CHODL: variants seen among roughly 807,000 people sequenced by gnomAD.
The protein encoded by CHODL is chondrolectin, also known as transmembrane protein MT75.
A neutral mutation model predicts 34.5 loss-of-function variants in CHODL; 29 were observed. The observed-to-expected ratio is 0.84, with a 90% confidence interval of 0.63 to 1.15. CHODL has a LOEUF of 1.15. Among genes scored for constraint, CHODL ranks in the 50% most tolerant of loss-of-function variants. The probability of loss-of-function intolerance (pLI) is 0.00; values close to 1 mark genes in which losing one functional copy is unlikely to be tolerated. For missense variants in CHODL, 332 were observed against 332.5 expected (o/e 1.00, Z 0.01); for synonymous variants, 125 against 116.1 (o/e 1.08, Z -0.49).
intron 1 of CHODL, among the ~76,000 whole-genome samples, chr21:17,926,483 G>T (rs1459621208): frequency 6.6e-6 from 1 of 151,316 alleles, no homozygotes; most frequent in Non-Finnish European, 1.5e-5. Context: ...TTAACTCACA[G>T]TTCCTCATTG....
intron 1 of CHODL, among the ~76,000 whole-genome samples, chr21:17,966,994 T>C (rs197525): frequency 0.62 from 94,102 of 151,320 alleles, 30,114 homozygotes; most frequent in East Asian, 0.79. Context: ...AAGTGATTCT[T>C]CTGCCTCAGC....
intron 2 of CHODL, among the ~76,000 whole-genome samples, chr21:18,031,272 T>C (rs2064245028): frequency 6.6e-6 from 1 of 152,116 alleles, no homozygotes. Flanking sequence ...CATAAGTCTT[T>C]AACCTGTGGG....
chr21:18,253,006 A>G lies in CHODL; in HGVS notation c.80-3503A>G, dbSNP rs76561005. Among the ~76,000 whole-genome samples, 617 of 152,126 alleles carry G rather than the reference A, an allele frequency of 4.1e-3. 4 individuals are homozygous for G. The highest frequency in any genetic ancestry group is 6.3e-3 in the Non-Finnish European group (429 of 67,986). On this transcript the variant is annotated intron_variant, in intron 1 of 5. Transcript: ENST00000299295. ...TATTTTAAATATAATCTCTCTCCCT[A>G]GGTTTTTTTCTTTCATTATTATTAT...
At chr21:18,220,958 A>G (rs192910136) in intron 2 of CHODL, among the ~76,000 whole-genome samples, 14 of 152,230 alleles carry the variant, frequency 9.2e-5, no homozygotes, top group East Asian at 7.7e-4. Context: ...TGAAGTTTTC[A>G]GCCATTATTT....
intron 1 of CHODL, among the ~76,000 whole-genome samples, chr21:17,978,587 G>A (rs531885077): frequency 8.2e-4 from 125 of 151,802 alleles, no homozygotes; most frequent in Non-Finnish European, 1.5e-3. Context: ...GCGTGGTGGC[G>A]GGTGCCTGTA....
chr21:18,232,946 T>TATATAC (rs1412800612), intron 2 of CHODL, among the ~76,000 whole-genome samples: 3 of 131,410 alleles, frequency 2.3e-5, no homozygotes, highest in Admixed American at 7.7e-5. Context: ...TGTTATGATA[T>TATATAC]ATATATATAT....
At chr21:18,265,312 TA>T (rs2074445229) in intron 5 of CHODL, among the ~76,000 whole-genome samples, 2 of 143,738 alleles carry the variant, frequency 1.4e-5, no homozygotes, top group Middle Eastern at 7.4e-3. Flanking sequence ...CACACACACA[TA>T]TATATATATG....
At chr21:18,056,101 G>A (rs1422563813) in intron 2 of CHODL, among the ~76,000 whole-genome samples, 1 of 151,926 alleles carries the variant, frequency 6.6e-6, no homozygotes, top group Non-Finnish European at 1.5e-5. Flanking sequence ...GGATTCATGG[G>A]AAGTAAAATA....
chr21:17,959,714 C>T (rs1287600322), intron 1 of CHODL, among the ~76,000 whole-genome samples: 1 of 152,012 alleles, frequency 6.6e-6, no homozygotes, highest in Non-Finnish European at 1.5e-5. Flanking sequence ...AGTCAGTTGG[C>T]ATTTATATTT....
intron 2 of CHODL, among the ~76,000 whole-genome samples, chr21:18,088,115 A>T (rs1440934722): frequency 6.6e-6 from 1 of 152,138 alleles, no homozygotes; most frequent in Non-Finnish European, 1.5e-5. Context: ...CCCTCCTCCA[A>T]CAGTGATGAT....
intron 2 of CHODL, among the ~76,000 whole-genome samples, chr21:18,109,641 T>G (rs735547): frequency 2.6e-5 from 4 of 152,002 alleles, no homozygotes; most frequent in African/African-American, 7.3e-5. Context: ...CCCCTCATCT[T>G]TCTGGAGATT....
intron 1 of CHODL, among the ~76,000 whole-genome samples, chr21:17,975,801 C>A (rs1425050297): frequency 1.3e-5 from 2 of 152,080 alleles, no homozygotes; most frequent in African/African-American, 4.8e-5. Context: ...ATCCCAGAAT[C>A]TATGATACTT....
chr21:18,102,290 T>G (rs927211547), intron 2 of CHODL, among the ~76,000 whole-genome samples: 2 of 152,176 alleles, frequency 1.3e-5, no homozygotes, highest in African/African-American at 4.8e-5. Flanking sequence ...GGATTCCTAC[T>G]TATGTCCTTT....
chr21:18,093,687 A>G (rs1042493520), intron 2 of CHODL, among the ~76,000 whole-genome samples: 2 of 152,186 alleles, frequency 1.3e-5, no homozygotes, highest in Admixed American at 6.5e-5. Flanking sequence ...ATTATATGAC[A>G]GTATTTGGAA....
chr21:18,208,658 G>T (rs1368873835), intron 2 of CHODL, among the ~76,000 whole-genome samples: 1 of 152,048 alleles, frequency 6.6e-6, no homozygotes, highest in East Asian at 1.9e-4. Context: ...CATTCAAAGG[G>T]ACTTGGGTAT....
intron 1 of CHODL, among the ~76,000 whole-genome samples, chr21:17,977,417 G>A (rs1371688674): frequency 4.0e-5 from 6 of 149,124 alleles, no homozygotes; most frequent in African/African-American, 1.5e-4. Flanking sequence ...CCAGGCTGGA[G>A]TGCAGTGGCG....
intron 2 of CHODL, among the ~76,000 whole-genome samples, chr21:18,237,302 T>A (rs1254797415): frequency 1.3e-5 from 2 of 152,090 alleles, no homozygotes; most frequent in African/African-American, 4.8e-5. Context: ...TTTGCATTTA[T>A]CTCCACTCTC....
intron 2 of CHODL, among the ~76,000 whole-genome samples, chr21:18,150,611 G>C (rs1012172727): frequency 2.0e-5 from 3 of 152,076 alleles, no homozygotes; most frequent in African/African-American, 7.2e-5. Flanking sequence ...CCTTGTATAA[G>C]GGCACTGCTC....
chr21:18,206,729 CT>C (rs1191551700), intron 2 of CHODL, among the ~76,000 whole-genome samples: 1 of 151,420 alleles, frequency 6.6e-6, no homozygotes, highest in East Asian at 1.9e-4. Flanking sequence ...TCTCCTCTTC[CT>C]TCTTTACTTC....
Sources: gnomAD v4.1 joint callset for allele counts (sites outside exome capture counted in the v4.1 genomes callset) on GRCh38, gnomAD v4.1.1 for gene constraint, MANE v1.5 for transcripts, NCBI Gene and HGNC (gene_info 2026-07-23, HGNC 2026-07-21) for gene names.